The following PCDHGB3 variants were observed in gnomAD, a reference collection of about 807,000 sequenced individuals.
The protein encoded by PCDHGB3 is protocadherin gamma subfamily B, 3.
Under a neutral mutation model 59.2 loss-of-function variants are expected in PCDHGB3, and 40 were observed. That is an observed-to-expected ratio of 0.68 (90% CI 0.52 to 0.88). The LOEUF (loss-of-function observed/expected upper bound fraction) is 0.88, where lower values mean the gene tolerates loss of function less well. PCDHGB3 is among the 40% of genes least tolerant of loss of function. The pLI is 0.00. For missense variants in PCDHGB3, 1,309 were observed against 1,187.9 expected, an observed-to-expected ratio of 1.10 and a Z score of -1.50; for synonymous variants, 581 against 503.6, an observed-to-expected ratio of 1.15 and a Z score of -2.06.
chr5:141,413,599 C>G, intron 1 of PCDHGB3: 2 of 1,613,830 alleles, frequency 1.2e-6, no homozygotes, highest in East Asian at 2.2e-5. Flanking sequence ...AGCAGAAAAT[C>G]TAGACGTAAA....
intron 1 of PCDHGB3, among the ~76,000 whole-genome samples, chr5:141,492,685 C>T (rs919981996): frequency 1.3e-5 from 2 of 152,242 alleles, no homozygotes; most frequent in African/African-American, 2.4e-5. Context: ...CAAGGGTCGG[C>T]GACCCCTCAA....
At position 141,422,526 on chromosome 5, in the gene PCDHGB3, G is replaced by A. The variant is rs956066609; in HGVS notation, c.2415+49717G>A. 9 of 1,613,866 alleles carry A rather than the reference G, an allele frequency of 5.6e-6. No homozygotes were observed. In the African/African-American group the frequency reaches 1.1e-4, roughly 19 times the overall value. The stretch of plus-strand genomic sequence containing the variant: ...CCACAGACCAGGGAAGCCCGCCTTT[G>A]TCTGCAGAAACTCATGTCTGGCTGA... On this transcript the variant is annotated intron_variant, in intron 1 of 3. Coordinates refer to ENST00000576222, the MANE Select transcript of PCDHGB3 (RefSeq NM_018924.5).
intron 1 of PCDHGB3, chr5:141,393,596 G>T (rs775299518): frequency 1.2e-6 from 2 of 1,613,900 alleles, no homozygotes; most frequent in Non-Finnish European, 8.5e-7. Context: ...GCACGCGGCT[G>T]CTTACTGTAA....
intron 1 of PCDHGB3, among the ~76,000 whole-genome samples, chr5:141,462,288 G>A (rs1239615759): frequency 3.9e-5 from 6 of 152,196 alleles, no homozygotes; most frequent in Non-Finnish European, 7.3e-5. Flanking sequence ...CACCAAATAT[G>A]TAAGTATTAC....
At chr5:141,510,315 G>A (rs2099880567) in intron 3 of PCDHGB3, among the ~76,000 whole-genome samples, 1 of 151,324 alleles carries the variant, frequency 6.6e-6, no homozygotes, top group African/African-American at 2.4e-5. Flanking sequence ...TGGAGGCTTG[G>A]AAGAGCACTC....
intron 3 of PCDHGB3, 137 bp from the exon 4 acceptor site, chr5:141,510,810 A>T: frequency 6.6e-7 from 1 of 1,519,768 alleles, no homozygotes; most frequent in African/African-American, 1.4e-5. Context: ...TACCTTGGTG[A>T]CCCCTATATT....
intron 1 of PCDHGB3, among the ~76,000 whole-genome samples, chr5:141,444,771 T>C (rs987549188): frequency 6.6e-6 from 1 of 152,246 alleles, no homozygotes; most frequent in African/African-American, 2.4e-5. Context: ...TTCTATATTC[T>C]TGATCATGTT....
At chr5:141,419,424 A>G (rs1197238939) in intron 1 of PCDHGB3, 1 of 1,613,230 alleles carries the variant, frequency 6.2e-7, no homozygotes, top group Admixed American at 1.7e-5. Flanking sequence ...GCCTTCGACC[A>G]CGAGCAGCTG....
rs150878327 is a variant in PCDHGB3 at position 141,438,347 on chromosome 5, C to A, written c.2416-56460C>A. On this transcript the variant is annotated intron_variant, in intron 1 of 3. Coordinates refer to ENST00000576222, the MANE Select transcript of PCDHGB3 (RefSeq NM_018924.5). ...CTTATACATGTCATATAAGGATCTACTCTGTGTATTGTCATTGAGGGCAGA... is the reference window on the plus strand; with the variant it reads ...CTTATACATGTCATATAAGGATCTAATCTGTGTATTGTCATTGAGGGCAGA... Among the ~76,000 whole-genome samples the A allele has an allele frequency of 3.9e-3, 588 of 151,848 alleles. 6 individuals are homozygous for A. Among genetic ancestry groups the A allele is most frequent in the Admixed American group, 0.011 (169 of 15,256 alleles).
At chr5:141,450,080 C>G (rs140080701) in intron 1 of PCDHGB3, among the ~76,000 whole-genome samples, 6,313 of 144,358 alleles carry the variant, frequency 0.044, 398 homozygotes, top group Admixed American at 0.19. Context: ...GATCTTGGCT[C>G]ACTGCAACCT....
At chr5:141,425,248 G>GGCTGGGAAA (rs2096864506) in intron 1 of PCDHGB3, among the ~76,000 whole-genome samples, 1 of 152,178 alleles carries the variant, frequency 6.6e-6, no homozygotes, top group Non-Finnish European at 1.5e-5. Context: ...AAAAGGATAT[G>GGCTGGGAAA]AGGTATTTGG....
intron 1 of PCDHGB3, chr5:141,422,676 A>G (rs1245488589): frequency 1.2e-6 from 2 of 1,606,500 alleles, no homozygotes; most frequent in East Asian, 4.5e-5. Flanking sequence ...CGGACAGCAA[A>G]CAGAATGCCC....
At chr5:141,417,851 G>A (rs1196210157) in intron 1 of PCDHGB3, 1 of 1,543,512 alleles carries the variant, frequency 6.5e-7, no homozygotes, top group Non-Finnish European at 8.8e-7. Flanking sequence ...GCGAGAACCC[G>A]AGCGAACGAT....
Position 141,371,789 on chromosome 5 carries a change from T to G in PCDHGB3, c.1395T>G (p.Asn465Lys). 1 of 1,613,924 alleles carries G rather than the reference T, an allele frequency of 6.2e-7. No individual in the cohort carries two copies. The change falls in exon 1 of 4, where the codon AAT becomes AAG. Residue 465 changes from asparagine (N) to lysine (K), a missense_variant. By Grantham distance (94) the Asn-to-Lys change is moderately conservative. Transcript: ENST00000576222. ...ACACCGTGCATGTAGCTGAGAACAA[T>G]CCGCCTGGAGCCTCCATTGCGCATG... ...ASYTVHVAEN[N>K]PPGASIAHVR...
intron 1 of PCDHGB3, chr5:141,419,088 T>G (rs2096325159): frequency 1.2e-6 from 2 of 1,613,940 alleles, no homozygotes; most frequent in Non-Finnish European, 1.7e-6. Flanking sequence ...GATGAGGCCC[T>G]GGATCGGGAG....
intron 1 of PCDHGB3, chr5:141,478,018 C>T: frequency 1.9e-6 from 3 of 1,614,124 alleles, no homozygotes; most frequent in Non-Finnish European, 2.5e-6. Context: ...CCCGTCCAGT[C>T]CAAGACACAG....
chr5:141,477,263 G>A lies in PCDHGB3; in HGVS notation c.2416-17544G>A, dbSNP rs543767777. 1.4e-5 allele frequency: 23 copies of A among 1,614,192 alleles called. No individual in the cohort carries two copies. The highest frequency in any genetic ancestry group is 1.8e-5 in the Non-Finnish European group (21 of 1,180,046). On this transcript the variant is annotated intron_variant, in intron 1 of 3. Transcript: ENST00000576222. The surrounding 1 kb of genome is among the most constrained non-coding windows in gnomAD (Gnocchi z 4.9). The stretch of plus-strand genomic sequence containing the variant: ...CAGTGTGACTGACCTGGATGCTGGC[G>A]AGAACGGGCTGGTGACCTGCGAAGT...
chr5:141,476,843 G>A lies in PCDHGB3; in HGVS notation c.2416-17964G>A, dbSNP rs2099399765. On this transcript the variant is annotated intron_variant, in intron 1 of 3. Transcript: ENST00000576222. The surrounding 1 kb of genome is among the most constrained non-coding windows in gnomAD (Gnocchi z 7.6). ...GCTGGACGCGAATGACAATGCGCCT[G>A]TCTTCAACCAGTCCTTGTACCGGGC... 1 of 1,613,706 alleles carries A rather than the reference G, an allele frequency of 6.2e-7. No individual in the cohort carries two copies. Among genetic ancestry groups the A allele is most frequent in the Non-Finnish European group, 8.5e-7 (1 of 1,180,046 alleles).
intron 1 of PCDHGB3, among the ~76,000 whole-genome samples, chr5:141,451,804 C>G (rs914303400): frequency 9.2e-5 from 14 of 151,946 alleles, no homozygotes; most frequent in African/African-American, 3.4e-4. Context: ...TTGCTTGAAC[C>G]CAGGAGGCGG....
Sources: gnomAD v4.1 joint callset for allele counts (sites outside exome capture counted in the v4.1 genomes callset) on GRCh38, gnomAD v4.1.1 for gene constraint, Gnocchi (gnomAD v3.1) non-coding constraint, MANE v1.5 for transcripts, NCBI Gene and HGNC (gene_info 2026-07-23, HGNC 2026-07-21) for gene names.